DTNA: variants seen among roughly 807,000 people sequenced by gnomAD.
The protein encoded by DTNA is dystrobrevin alpha, also known as dystrophin-related protein 3.
A neutral mutation model predicts 100.7 loss-of-function variants in DTNA; 43 were observed. The observed-to-expected ratio is 0.43, with a 90% CI of 0.33 to 0.55. DTNA has a LOEUF of 0.55. DTNA is among the 20% of genes least tolerant of loss of function. The pLI, the probability that DTNA is intolerant of heterozygous loss-of-function variation, is 0.04. For synonymous variants in DTNA, 349 were observed against 347.9 expected (o/e 1.00, Z -0.04); for missense variants, 798 against 953.9 (o/e 0.84, Z 2.15).
intron 1 of DTNA, among the ~76,000 whole-genome samples, chr18:34,509,764 T>C (rs1426419133): frequency 1.3e-5 from 2 of 152,122 alleles, no homozygotes; most frequent in Non-Finnish European, 2.9e-5. Flanking sequence ...AGTTTTTGTT[T>C]CTGTTTGATG....
intron 1 of DTNA, among the ~76,000 whole-genome samples, chr18:34,704,530 C>G (rs765950745): frequency 6.6e-6 from 1 of 152,170 alleles, no homozygotes; most frequent in Non-Finnish European, 1.5e-5. Flanking sequence ...CTAAACTGAC[C>G]TAATTAAATT....
intron 1 of DTNA, among the ~76,000 whole-genome samples, chr18:34,569,212 A>G (rs755186579): frequency 9.9e-5 from 15 of 152,138 alleles, no homozygotes; most frequent in Non-Finnish European, 2.1e-4. Flanking sequence ...TGTGTACAGG[A>G]GAAGGCTTGA....
At chr18:34,811,607 G>A (rs556187579) in intron 5 of DTNA, among the ~76,000 whole-genome samples, 4 of 152,108 alleles carry the variant, frequency 2.6e-5, no homozygotes, top group South Asian at 2.1e-4. Flanking sequence ...TGAAGTCAGC[G>A]TCTCTCTCAT....
chr18:34,579,232 C>A (rs183551382), intron 1 of DTNA, among the ~76,000 whole-genome samples: 1 of 152,040 alleles, frequency 6.6e-6, no homozygotes. Context: ...TTATAGGTAA[C>A]GACACAAAAT....
At chr18:34,816,646 A>G (rs775616537) in intron 7 of DTNA, among the ~76,000 whole-genome samples, 3 of 152,194 alleles carry the variant, frequency 2.0e-5, no homozygotes, top group Non-Finnish European at 4.4e-5. Flanking sequence ...CAGTGCCTCC[A>G]TCTAATCTTT....
chr18:34,638,348 G>A (rs571514630), intron 1 of DTNA, among the ~76,000 whole-genome samples: 5 of 152,280 alleles, frequency 3.3e-5, no homozygotes, highest in Admixed American at 3.3e-4. Flanking sequence ...ACAGCAATCT[G>A]TGACAAGTGC....
At position 34,879,846 on chromosome 18, in the gene DTNA, C is replaced by G. The variant is rs2288084; in HGVS notation, c.2162+127C>G. The G allele has an allele frequency of 3.9e-4, 471 of 1,210,682 alleles. 1 individual carries two copies. The East Asian group carries it at 0.011, about 27-fold the overall frequency. The allele number at this position is 1,210,682 out of a possible 1,614,324, so 75.0% of individuals were successfully genotyped here. Reference sequence around the variant, plus strand: ...AGAAGGGGTGACATAGTTTTCTGTTCTGCCAGAGATATAGAAGGGTGCTAC... The same window carrying G: ...AGAAGGGGTGACATAGTTTTCTGTTGTGCCAGAGATATAGAAGGGTGCTAC... On this transcript the variant is annotated intron_variant, in intron 20 of 22. Coordinates refer to ENST00000444659, the MANE Select transcript of DTNA (RefSeq NM_001386795.1).
intron 1 of DTNA, among the ~76,000 whole-genome samples, chr18:34,752,352 A>G (rs1227760113): frequency 1.3e-5 from 2 of 152,244 alleles, no homozygotes; most frequent in Admixed American, 1.3e-4. Context: ...ACAGAATGAC[A>G]TGCTCTTCTC....
intron 1 of DTNA, among the ~76,000 whole-genome samples, chr18:34,500,656 G>C (rs1174887013): frequency 6.6e-6 from 1 of 151,752 alleles, no homozygotes; most frequent in Non-Finnish European, 1.5e-5. Flanking sequence ...TAGAGAGGGG[G>C]TTTCAACATG....
chr18:34,785,024 C>T (rs2094461711), intron 3 of DTNA, among the ~76,000 whole-genome samples: 1 of 151,466 alleles, frequency 6.6e-6, no homozygotes, highest in East Asian at 1.9e-4. Context: ...ACACCATTCT[C>T]CTGCCTCAGC....
At chr18:34,783,429 T>C (rs1229352782) in intron 3 of DTNA, among the ~76,000 whole-genome samples, 1 of 152,226 alleles carries the variant, frequency 6.6e-6, no homozygotes, top group African/African-American at 2.4e-5. Flanking sequence ...GTTTATTACA[T>C]CATCTTAACC....
At chr18:34,562,269 G>A (rs2046710360) in intron 1 of DTNA, among the ~76,000 whole-genome samples, 1 of 152,088 alleles carries the variant, frequency 6.6e-6, no homozygotes, top group Admixed American at 6.5e-5. Flanking sequence ...AACGAACCCT[G>A]CCCCTAGTTT....
intron 1 of DTNA, among the ~76,000 whole-genome samples, chr18:34,597,095 G>C (rs1453850284): frequency 1.3e-5 from 2 of 152,036 alleles, no homozygotes; most frequent in South Asian, 4.2e-4. Context: ...GAATGAGAAC[G>C]TGTGGTGTTC....
intron 1 of DTNA, among the ~76,000 whole-genome samples, chr18:34,719,394 T>C (rs1011717326): frequency 6.6e-6 from 1 of 152,084 alleles, no homozygotes; most frequent in Middle Eastern, 3.4e-3. Context: ...CCATCAATCC[T>C]CACAACAACC....
At chr18:34,735,369 G>A (rs1263384130) in intron 1 of DTNA, among the ~76,000 whole-genome samples, 3 of 152,152 alleles carry the variant, frequency 2.0e-5, no homozygotes, top group Non-Finnish European at 4.4e-5. Flanking sequence ...TCAATAGTTT[G>A]TATCCTTCAA....
intron 17 of DTNA, chr18:34,868,387 TAG>T: frequency 3.8e-6 from 3 of 784,384 alleles, no homozygotes; most frequent in Non-Finnish European, 4.6e-6. Context: ...CCCAGCCCTA[TAG>T]AGGCGGTTCT....
intron 1 of DTNA, among the ~76,000 whole-genome samples, chr18:34,738,121 G>C (rs545334383): frequency 5.9e-5 from 9 of 152,242 alleles, no homozygotes; most frequent in Non-Finnish European, 8.8e-5. Context: ...CAGAAGCAAA[G>C]GCCCTGAGGC....
In DTNA at chr18:34,531,291, G is replaced by A. The variant is rs546584111; in HGVS notation, c.-2+37777G>A. 1.2e-3 allele frequency among the ~76,000 whole-genome samples: 179 copies of A among 152,198 alleles called. 1 individual carries two copies. The highest frequency in any genetic ancestry group is 4.1e-3 in the African/African-American group (172 of 41,546). ...ACTGATGTTCAGGAGATGTGGTTTC[G>A]AATCTCTCTTTCACTAGCTGGCTGT... is the stretch of plus-strand genomic sequence containing the variant. On this transcript the variant is annotated intron_variant, in intron 1 of 19. Transcript: ENST00000283365.
intron 1 of DTNA, among the ~76,000 whole-genome samples, chr18:34,747,937 A>G (rs752762226): frequency 6.6e-6 from 1 of 152,096 alleles, no homozygotes; most frequent in Non-Finnish European, 1.5e-5. Context: ...CAGCAGTGTA[A>G]AATTGTTCCC....
Sources: gnomAD v4.1 joint callset for allele counts (sites outside exome capture counted in the v4.1 genomes callset) on GRCh38, gnomAD v4.1.1 for gene constraint, MANE v1.5 for transcripts, NCBI Gene and HGNC (gene_info 2026-07-23, HGNC 2026-07-21) for gene names.